The following DLGAP2 variants were observed in gnomAD, a reference collection of about 807,000 sequenced individuals.
DLGAP2 encodes DLG associated protein 2.
DLGAP2 carries 26 observed loss-of-function variants against 100.3 expected under a neutral mutation model. The ratio of observed to expected loss-of-function variants is 0.26; its 90% confidence interval spans 0.19 to 0.36. The LOEUF (loss-of-function observed/expected upper bound fraction) is 0.36. Ranked by LOEUF, DLGAP2 falls within the 10% of genes least tolerant of loss-of-function variation. The pLI is 1.00. For synonymous variants in DLGAP2, 886 were observed against 630.1 expected, an observed-to-expected ratio of 1.41 and a Z score of -6.08; for missense variants, 1,858 against 1,453.2, an observed-to-expected ratio of 1.28 and a Z score of -4.53.
chr8:907,927 C>T lies in DLGAP2; in HGVS notation c.34C>T (p.Leu12=), dbSNP rs546907591. The change falls in exon 2 of 15, where the codon CTG becomes TTG. Residue 12 remains leucine, a synonymous_variant. Transcript: ENST00000637795. ...SALRKVLPGI[L]QKHCCILPDR... Reference sequence around the variant, plus strand: ...TTTAAAACAGGTTTTGCCTGGCATTCTGCAGAAGCATTGCTGTATCTTACC... The same window carrying T: ...TTTAAAACAGGTTTTGCCTGGCATTTTGCAGAAGCATTGCTGTATCTTACC... 138 of 398,978 alleles carry T rather than the reference C, an allele frequency of 3.5e-4. No individual in the cohort carries two copies. Among genetic ancestry groups the T allele is most frequent in the Admixed American group, 3.5e-4 (8 of 22,734 alleles). The allele number at this position is 398,978 out of a possible 1,614,324, so 24.7% of individuals were successfully genotyped here.
rs555454698 is a variant in DLGAP2, at chr8:1,623,449, C to A, written c.1443-3291C>A. On this transcript the variant is annotated intron_variant, in intron 6 of 14. Coordinates refer to ENST00000637795, the MANE Select transcript of DLGAP2 (RefSeq NM_001346810.2). ...ATGACCTGACACCAGTGCATCATGACCTGACACCAGCGCGCAATGACCTGA... is the reference window on the plus strand; with the variant it reads ...ATGACCTGACACCAGTGCATCATGAACTGACACCAGCGCGCAATGACCTGA... Among the ~76,000 whole-genome samples the A allele has an allele frequency of 1.3e-4, 19 of 151,690 alleles. 1 individual carries two copies. Among genetic ancestry groups the A allele is most frequent in the African/African-American group, 4.1e-4 (17 of 41,286 alleles).
At chr8:1,018,391 C>G (rs1002414516) in intron 2 of DLGAP2, among the ~76,000 whole-genome samples, 1 of 152,194 alleles carries the variant, frequency 6.6e-6, no homozygotes, top group Non-Finnish European at 1.5e-5. Context: ...GTTGGGAAGT[C>G]CTCCTGCAAG....
chr8:1,100,592 G>A (rs1408769459), intron 2 of DLGAP2, among the ~76,000 whole-genome samples: 1 of 152,134 alleles, frequency 6.6e-6, no homozygotes, highest in Admixed American at 6.5e-5. Context: ...TCTGATACAG[G>A]GGAATTACTC....
At chr8:1,352,985 G>A (rs578051781) in intron 3 of DLGAP2, among the ~76,000 whole-genome samples, 194 of 152,278 alleles carry the variant, frequency 1.3e-3, no homozygotes, top group Non-Finnish European at 2.6e-3. Context: ...GTGTAGACAG[G>A]ATTGAAGGCA....
chr8:915,100 G>T (rs1023493069), intron 2 of DLGAP2, among the ~76,000 whole-genome samples: 3 of 152,142 alleles, frequency 2.0e-5, no homozygotes, highest in Admixed American at 2.0e-4. Flanking sequence ...GGATGGTTCG[G>T]GCAAAGCCTC....
intron 1 of DLGAP2, among the ~76,000 whole-genome samples, chr8:775,399 G>C (rs1218552909): frequency 6.8e-6 from 1 of 147,960 alleles, no homozygotes; most frequent in Non-Finnish European, 1.5e-5. Flanking sequence ...GAATAGGAGT[G>C]GTGAGAGAGG....
intron 3 of DLGAP2, among the ~76,000 whole-genome samples, chr8:1,337,614 A>G (rs1021963986): frequency 2.3e-5 from 2 of 88,832 alleles, no homozygotes; most frequent in South Asian, 7.4e-4. Flanking sequence ...TGATTCATGC[A>G]TTAATTCATC....
At chr8:1,574,537 T>G (rs1296052473) in intron 6 of DLGAP2, among the ~76,000 whole-genome samples, 1 of 152,168 alleles carries the variant, frequency 6.6e-6, no homozygotes, top group Non-Finnish European at 1.5e-5. Flanking sequence ...GTCACCTCCC[T>G]CGGTGATGAG....
At chr8:1,387,319 A>C (rs1796243032) in intron 3 of DLGAP2, among the ~76,000 whole-genome samples, 1 of 152,228 alleles carries the variant, frequency 6.6e-6, no homozygotes, top group South Asian at 2.1e-4. Context: ...AATTAGTATA[A>C]AGATGAAATT....
At chr8:881,590 C>T (rs1383091532) in intron 1 of DLGAP2, among the ~76,000 whole-genome samples, 1 of 144,378 alleles carries the variant, frequency 6.9e-6, no homozygotes, top group Non-Finnish European at 1.5e-5. Flanking sequence ...ACCTCCACCT[C>T]CTGGGTTCAA....
intron 8 of DLGAP2, among the ~76,000 whole-genome samples, chr8:1,653,979 A>T (rs1252778481): frequency 6.6e-6 from 1 of 152,166 alleles, no homozygotes; most frequent in African/African-American, 2.4e-5. Context: ...AGAAAGAGAG[A>T]CATTAGTAAC....
intron 1 of DLGAP2, among the ~76,000 whole-genome samples, chr8:797,832 C>T (rs1294707850): frequency 2.0e-5 from 3 of 152,112 alleles, no homozygotes; most frequent in African/African-American, 7.2e-5. Flanking sequence ...CTCACTGCAA[C>T]CTCCGCCTCC....
At chr8:1,575,632 T>C (rs113043939) in intron 6 of DLGAP2, among the ~76,000 whole-genome samples, 2,747 of 97,216 alleles carry the variant, frequency 0.028, 120 homozygotes, top group African/African-American at 0.096. Context: ...CCCCACCCCA[T>C]AACAGGCCCT....
At chr8:1,436,990 C>T (rs570240562) in intron 3 of DLGAP2, among the ~76,000 whole-genome samples, 3 of 152,248 alleles carry the variant, frequency 2.0e-5, no homozygotes, top group Non-Finnish European at 2.9e-5. Flanking sequence ...CTATGCCGTT[C>T]GGCCCAGGCG....
intron 3 of DLGAP2, among the ~76,000 whole-genome samples, chr8:1,458,307 T>C (rs1798378627): frequency 6.6e-6 from 1 of 152,034 alleles, no homozygotes; most frequent in South Asian, 2.1e-4. Flanking sequence ...TTGAAGTTAG[T>C]TTAGTATTCT....
At chr8:833,397 G>A (rs1015253419) in intron 1 of DLGAP2, among the ~76,000 whole-genome samples, 5 of 152,206 alleles carry the variant, frequency 3.3e-5, no homozygotes, top group African/African-American at 4.8e-5. Context: ...TGTCAGCCAG[G>A]CCAGCTCCTC....
At chr8:1,321,756 A>G (rs958408118) in intron 3 of DLGAP2, among the ~76,000 whole-genome samples, 1 of 152,202 alleles carries the variant, frequency 6.6e-6, no homozygotes, top group Admixed American at 6.5e-5. Flanking sequence ...TGATTCTCTG[A>G]CTTTAGAATT....
rs1027738979 is a variant in DLGAP2, at chr8:1,707,679, AC to A, written c.*6276del. On this transcript the variant is annotated 3_prime_UTR_variant, in exon 15 of 15. Transcript: ENST00000637795. ...GACCTTCCATACTACAGACCAAAAT[AC>A]CCAGGTGTGGCCTAAGGACTATATT... is the stretch of plus-strand genomic sequence containing the variant. 8 of 152,206 alleles carry A rather than the reference AC, an allele frequency of 5.3e-5. No homozygotes were observed. The highest frequency in any genetic ancestry group is 2.6e-4 in the Admixed American group (4 of 15,296). 9.4% of individuals were successfully genotyped at this position (152,206 alleles called of 1,614,324 possible). A position where few individuals can be genotyped will look rare whatever the true frequency, so the allele number is the denominator to read the frequency against.
chr8:760,547 C>T (rs1287473255), intron 1 of DLGAP2, among the ~76,000 whole-genome samples: 1 of 152,154 alleles, frequency 6.6e-6, no homozygotes, highest in African/African-American at 2.4e-5. Context: ...ATAATTTTGC[C>T]TAAGAATTTT....
Sources: allele counts gnomAD v4.1 joint callset (sites outside exome capture counted in the v4.1 genomes callset), GRCh38; gene constraint gnomAD v4.1.1; transcripts MANE v1.5; gene names NCBI Gene and HGNC (gene_info 2026-07-23, HGNC 2026-07-21).